Variants in PBRM1 observed in about 807,000 individuals in gnomAD.
The protein encoded by PBRM1 is protein polybromo-1.
In PBRM1, 27 loss-of-function variants were observed where a neutral mutation model predicts 194.5. The observed-to-expected ratio is 0.14, with a 90% CI of 0.10 to 0.19. PBRM1 has a LOEUF of 0.19. Ranked by LOEUF, PBRM1 falls within the 10% of genes least tolerant of loss-of-function variation. The probability of loss-of-function intolerance (pLI) is 1.00; values close to 1 mark genes in which losing one functional copy is unlikely to be tolerated. For synonymous variants in PBRM1, 655 were observed against 693.2 expected (o/e 0.94, Z 0.87); for missense variants, 1,466 against 2,077.2 (o/e 0.71, Z 5.72).
intron 16 of PBRM1, among the ~76,000 whole-genome samples, chr3:52,604,259 T>G (rs904755347): frequency 6.6e-6 from 1 of 152,216 alleles, no homozygotes; most frequent in Non-Finnish European, 1.5e-5. Flanking sequence ...TATTCTATAA[T>G]GGTTACAGGC....
intron 11 of PBRM1, among the ~76,000 whole-genome samples, chr3:52,630,205 G>C (rs1453478912): frequency 6.6e-6 from 1 of 151,918 alleles, no homozygotes; most frequent in Non-Finnish European, 1.5e-5. Context: ...AGGGTAGTGG[G>C]GGAGGAAAAA....
chr3:52,681,250 C>T (rs2097200195), upstream of PBRM1: 1 of 151,646 alleles, frequency 6.6e-6, no homozygotes, highest in Admixed American at 6.6e-5. Context: ...AAAGAAGGAG[C>T]AAAAGAATCA....
In PBRM1 at chr3:52,650,692, A is replaced by G. The variant is rs76660397; in HGVS notation, c.714+1050T>C. Among the ~76,000 whole-genome samples, 1,097 of 152,302 alleles carry G rather than the reference A, an allele frequency of 7.2e-3. 11 individuals are homozygous for G. Among genetic ancestry groups the G allele is most frequent in the African/African-American group, 0.025 (1,036 of 41,580 alleles). On this transcript the variant is annotated intron_variant, in intron 6 of 29. Coordinates refer to ENST00000296302, the Ensembl canonical transcript of PBRM1. ...AGGTTCTATGTGAGATGCTTTATCTATATTATCACCAACCTCTATGACTCT... is the reference window on the plus strand; with the variant it reads ...AGGTTCTATGTGAGATGCTTTATCTGTATTATCACCAACCTCTATGACTCT...
intron 10 of PBRM1, among the ~76,000 whole-genome samples, chr3:52,638,986 T>TGGG (rs71084199): frequency 2.3e-3 from 132 of 57,858 alleles, no homozygotes; most frequent in Admixed American, 3.7e-3. Flanking sequence ...CATTTTTTTT[T>TGGG]GGGGGGGGGG....
downstream of PBRM1, chr3:52,547,194 G>A (rs1289871806): frequency 4.3e-6 from 1 of 232,884 alleles, no homozygotes; most frequent in Non-Finnish European, 8.5e-6. Context: ...GAAATTTATA[G>A]GCATAAATTG....
At position 52,639,080 on chromosome 3, in the gene PBRM1, G is replaced by T. The variant is rs567030950; in HGVS notation, c.1087+2874C>A. ...GCTCACAGCAACCTCCGCCTCCCGG[G>T]TTCAAGCAATTCTTCTGCCTCAGCC... On this transcript the variant is annotated intron_variant, in intron 10 of 29. Coordinates refer to ENST00000296302, the Ensembl canonical transcript of PBRM1. Among the ~76,000 whole-genome samples the T allele has an allele frequency of 2.2e-4, 33 of 151,832 alleles. No individual in the cohort carries two copies. The East Asian group carries it at 4.5e-3, about 21-fold the overall frequency.
chr3:52,674,961 G>A (rs2097062872), intron 2 of PBRM1, among the ~76,000 whole-genome samples: 1 of 151,680 alleles, frequency 6.6e-6, no homozygotes, highest in African/African-American at 2.4e-5. Flanking sequence ...GCAAGATCCT[G>A]TCTCAAAAAA....
At chr3:52,564,061 A>G (rs766642938) in exon 23 of PBRM1, 2 of 1,604,526 alleles carry the variant, frequency 1.2e-6, no homozygotes, top group South Asian at 1.1e-5. Context: ...TGAAGTAGTA[A>G]ATTTCATCAT....
At chr3:52,608,422 G>A (rs1280398334) in intron 16 of PBRM1, among the ~76,000 whole-genome samples, 2 of 152,154 alleles carry the variant, frequency 1.3e-5, no homozygotes, top group African/African-American at 4.8e-5. Context: ...GGTGCTTTAC[G>A]AAGAGCTGGT....
intron 13 of PBRM1, among the ~76,000 whole-genome samples, chr3:52,621,818 GAAGTGGGAGGA>G: frequency 6.6e-6 from 1 of 152,202 alleles, no homozygotes; most frequent in African/African-American, 2.4e-5. Context: ...TTGGGAGGCT[GAAGTGGGAGGA>G]CTGCTTGAGC....
chr3:52,616,632 G>A (rs1467002898), intron 14 of PBRM1, among the ~76,000 whole-genome samples: 1 of 152,200 alleles, frequency 6.6e-6, no homozygotes, highest in Non-Finnish European at 1.5e-5. Flanking sequence ...GGCGGAGCTT[G>A]CAGTGAGCTG....
At position 52,574,020 on chromosome 3, in the gene PBRM1, A is replaced by G. The variant is rs553591270; in HGVS notation, c.3691+2521T>C. ...CAAAGTGCTTGCCTTTATTGTGCTT[A>G]GCTTGGAATTCCCTTGGTGGAGAAG... On this transcript the variant is annotated intron_variant, in intron 22 of 29. Transcript: ENST00000296302. 2.0e-5 allele frequency among the ~76,000 whole-genome samples: 3 copies of G among 152,378 alleles called. No individual in the cohort carries two copies. The South Asian group carries it at 6.2e-4, about 32-fold the overall frequency.
intron 13 of PBRM1, among the ~76,000 whole-genome samples, chr3:52,626,845 A>G (rs1329998395): frequency 2.0e-5 from 3 of 152,224 alleles, no homozygotes; most frequent in African/African-American, 7.2e-5. Flanking sequence ...GAGGTGAACA[A>G]GGACAAACAA....
exon 26 of PBRM1, chr3:52,558,331 G>A (rs1294804124): frequency 6.5e-7 from 1 of 1,549,816 alleles, no homozygotes; most frequent in Non-Finnish European, 8.7e-7. Flanking sequence ...CCACAGGGGT[G>A]CCTGCTCGGG....
chr3:52,557,316 T>G (rs1476200814), intron 26 of PBRM1, among the ~76,000 whole-genome samples: 3 of 152,234 alleles, frequency 2.0e-5, no homozygotes. Flanking sequence ...CCTATGCTAC[T>G]CTTCCTTAAA....
intron 17 of PBRM1, among the ~76,000 whole-genome samples, chr3:52,595,336 C>G (rs906567897): frequency 3.9e-5 from 6 of 152,058 alleles, no homozygotes; most frequent in South Asian, 4.2e-4. Context: ...ACTGTGTGCC[C>G]CAACTCTGGG....
chr3:52,611,143 A>G (rs562280705), intron 15 of PBRM1, among the ~76,000 whole-genome samples: 1 of 152,190 alleles, frequency 6.6e-6, no homozygotes, highest in African/African-American at 2.4e-5. Flanking sequence ...TGAAAACAAA[A>G]TAAAACAAAA....
intron 17 of PBRM1, 114 bp downstream of exon 19, chr3:52,603,407 G>T: frequency 1.9e-6 from 2 of 1,060,924 alleles, no homozygotes; most frequent in South Asian, 1.6e-5. Flanking sequence ...CTCTAATATA[G>T]TCAATACCCT....
intron 15 of PBRM1, among the ~76,000 whole-genome samples, chr3:52,614,937 C>T (rs1560388387): frequency 6.6e-6 from 1 of 152,198 alleles, no homozygotes. Flanking sequence ...GAGTATAGTA[C>T]AGTGGCTGGA....
Sources: allele counts gnomAD v4.1 joint callset (sites outside exome capture counted in the v4.1 genomes callset), GRCh38; gene constraint gnomAD v4.1.1; transcripts MANE v1.5; gene names NCBI Gene and HGNC (gene_info 2026-07-23, HGNC 2026-07-21).